Variants in SMC6 observed in about 807,000 individuals in gnomAD.
The protein encoded by SMC6 is structural maintenance of chromosomes protein 6.
SMC6 carries 79 observed loss-of-function variants against 142.2 expected under a neutral mutation model. That is an observed-to-expected ratio of 0.56 (90% CI 0.46 to 0.67). The LOEUF is 0.67. Among genes scored for constraint, SMC6 ranks in the 30% least tolerant of loss-of-function variants. The pLI, the probability that SMC6 is intolerant of heterozygous loss-of-function variation, is 0.00. For synonymous variants in SMC6, 411 were observed against 412.4 expected (o/e 1.00, Z 0.04); for missense variants, 1,072 against 1,284.0 (o/e 0.83, Z 2.52).
chr2:17,693,298 A>G (rs1277119794), intron 23 of SMC6, among the ~76,000 whole-genome samples: 1 of 152,200 alleles, frequency 6.6e-6, no homozygotes, highest in African/African-American at 2.4e-5. Context: ...CCTGGAACCA[A>G]CCCAAATGTC....
intron 2 of SMC6, among the ~76,000 whole-genome samples, chr2:17,746,895 A>G (rs1169897159): frequency 2.6e-5 from 4 of 152,210 alleles, no homozygotes; most frequent in African/African-American, 9.6e-5. Context: ...AATATGAGGA[A>G]CAGTTCTAGG....
At chr2:17,707,118 C>T in intron 18 of SMC6, 101 bp downstream of exon 18, 3 of 908,612 alleles carry the variant, frequency 3.3e-6, no homozygotes, top group Non-Finnish European at 4.7e-6. Context: ...ATAGATTACT[C>T]ACGTCCTCAC....
chr2:17,745,257 CTG>C (rs143518027), intron 3 of SMC6, among the ~76,000 whole-genome samples: 3,483 of 152,092 alleles, frequency 0.023, 142 homozygotes, highest in African/African-American at 0.081. Context: ...TTGGAAAAGA[CTG>C]TGTAGATTCA....
At chr2:17,745,039 T>G (rs1558382694) in intron 3 of SMC6, among the ~76,000 whole-genome samples, 1 of 152,190 alleles carries the variant, frequency 6.6e-6, no homozygotes, top group Non-Finnish European at 1.5e-5. Context: ...TCAGTGGATT[T>G]TGGTCTGAAG....
chr2:17,711,714 G>A (rs1668834325), intron 16 of SMC6, among the ~76,000 whole-genome samples: 1 of 152,064 alleles, frequency 6.6e-6, no homozygotes. Context: ...GACTTCCAGG[G>A]CTCCAGTGAT....
intron 16 of SMC6, among the ~76,000 whole-genome samples, chr2:17,710,089 G>T (rs1233659832): frequency 6.6e-6 from 1 of 152,188 alleles, no homozygotes; most frequent in East Asian, 1.9e-4. Flanking sequence ...ACTTTACGTT[G>T]GCTGCTGTAC....
In SMC6 at chr2:17,727,593, AC is replaced by A. The variant is rs1669694094; in HGVS notation, c.544-1125del. On this transcript the variant is annotated intron_variant, in intron 7 of 27. Coordinates refer to ENST00000448223, the MANE Select transcript of SMC6 (RefSeq NM_001142286.2). ...TCCTCTAGAGAACCCTGACTAATACACCTAACAAGTTAAGATATCAAAGTAC... is the reference window on the plus strand; with the variant it reads ...TCCTCTAGAGAACCCTGACTAATACACTAACAAGTTAAGATATCAAAGTAC... Among the ~76,000 whole-genome samples, 4 of 152,202 alleles carry A rather than the reference AC, an allele frequency of 2.6e-5. No individual in the cohort carries two copies. In the South Asian group the frequency reaches 8.3e-4, roughly 32 times the overall value.
chr2:17,716,253 A>C lies in SMC6; in HGVS notation c.1358T>G (p.Leu453Ter). The change falls in exon 15 of 28, where the codon TTA (leucine) becomes TGA (stop). Residue 453 changes from leucine (L) to a stop codon, truncating the protein, a stop_gained. Coordinates refer to ENST00000448223, the MANE Select transcript of SMC6 (RefSeq NM_001142286.2). LOFTEE classifies it high-confidence loss of function. ...EEHGKIKREE[L>*]DVKHALSYNQ... is the part of the protein sequence containing the mutation. Reference sequence around the variant, plus strand: ...GTAGCTCAGTGCATGCTTCACATCTAATTCTTCTCTCCTAAAAAACAAAAG... The same window carrying C: ...GTAGCTCAGTGCATGCTTCACATCTCATTCTTCTCTCCTAAAAAACAAAAG... 1 of 1,604,862 alleles carries C rather than the reference A, an allele frequency of 6.2e-7. No individual in the cohort carries two copies. Among genetic ancestry groups the C allele is most frequent in the Non-Finnish European group, 8.5e-7 (1 of 1,177,418 alleles).
chr2:17,670,913 G>A (rs1466351826), intron 25 of SMC6, among the ~76,000 whole-genome samples: 1 of 152,096 alleles, frequency 6.6e-6, no homozygotes, highest in Non-Finnish European at 1.5e-5. Context: ...CCAGGCTGGA[G>A]TGCAATGGTG....
intron 4 of SMC6, among the ~76,000 whole-genome samples, chr2:17,741,234 G>A (rs758878088): frequency 6.6e-6 from 1 of 152,206 alleles, no homozygotes; most frequent in Non-Finnish European, 1.5e-5. Context: ...GCCACCTGGT[G>A]AGAACTACTT....
At chr2:17,675,046 C>T (rs1418874837) in intron 25 of SMC6, among the ~76,000 whole-genome samples, 1 of 152,032 alleles carries the variant, frequency 6.6e-6, no homozygotes, top group African/African-American at 2.4e-5. Flanking sequence ...CATGCATCTC[C>T]TTTCAATTTG....
intron 16 of SMC6, among the ~76,000 whole-genome samples, chr2:17,710,418 T>C (rs1296451253): frequency 6.6e-6 from 1 of 152,120 alleles, no homozygotes; most frequent in Non-Finnish European, 1.5e-5. Context: ...TATTATATTA[T>C]AGAGTTCAGA....
chr2:17,678,721 A>C, intron 25 of SMC6, 138 bp downstream of exon 25: 1 of 605,616 alleles, frequency 1.7e-6, no homozygotes, highest in Non-Finnish European at 2.9e-6. Flanking sequence ...GGTTACAGTG[A>C]GCTATGATTG....
At chr2:17,679,209 G>C in intron 24 of SMC6, 3 of 373,672 alleles carry the variant, frequency 8.0e-6, no homozygotes, top group Non-Finnish European at 1.4e-5. Context: ...ATGAATTAAA[G>C]AGTCATCTCA....
At chr2:17,682,063 G>A (rs1667261809) in intron 24 of SMC6, 1 of 152,136 alleles carries the variant, frequency 6.6e-6, no homozygotes, top group South Asian at 2.1e-4. Context: ...ACAGATTTAT[G>A]TAGTAATAGA....
chr2:17,695,525 G>A (rs1247346811), intron 22 of SMC6, among the ~76,000 whole-genome samples: 2 of 151,848 alleles, frequency 1.3e-5, no homozygotes, highest in Non-Finnish European at 2.9e-5. Context: ...AACTAATAAG[G>A]TGCAAGATCT....
chr2:17,698,416 C>T (rs1460383211), intron 21 of SMC6, among the ~76,000 whole-genome samples: 1 of 151,994 alleles, frequency 6.6e-6, no homozygotes, highest in African/African-American at 2.4e-5. Flanking sequence ...ATATTTGTTG[C>T]ACACATATTT....
Position 17,745,851 on chromosome 2 carries a change from T to C in SMC6, c.96A>G (p.Glu32=). The C allele has an allele frequency of 6.2e-7, 1 of 1,611,888 alleles. No homozygotes were observed. The highest frequency in any genetic ancestry group is 8.5e-7 in the Non-Finnish European group (1 of 1,179,280). Residue 32 remains glutamate, a synonymous_variant, in exon 3 of 28, where the codon GAA becomes GAG. Transcript: ENST00000448223. ...ELEDFDKDGD[E]DECKGTTLTA... The stretch of plus-strand genomic sequence containing the variant: ...CCAAAGTAGTACCTTTACATTCGTC[T>C]TCGTCACCATCTTTATCAAAATCCT...
Position 17,714,958 on chromosome 2 carries a change from G to A in SMC6, c.1633C>T (p.Leu545Phe), listed in dbSNP as rs771193533. Residue 545 changes from leucine (L) to phenylalanine (F), a missense_variant, in exon 16 of 28, where the codon CTT (leucine) becomes TTT (phenylalanine). Physicochemically the swap from Leu to Phe is conservative, Grantham distance 22 (BLOSUM62 0). Transcript: ENST00000448223. Reference sequence around the variant, plus strand: ...TAAAACCTTTTCATGAGTGCCTGAAGGACCCTTTCATCAGCATGATTATGG... The same window carrying A: ...TAAAACCTTTTCATGAGTGCCTGAAAGACCCTTTCATCAGCATGATTATGG... ...CCHNHADERV[L>F]QALMKRFYLP... is the part of the protein sequence containing the mutation. 1.2e-6 allele frequency: 2 copies of A among 1,614,006 alleles called. No individual in the cohort carries two copies. The highest frequency in any genetic ancestry group is 1.7e-6 in the Non-Finnish European group (2 of 1,179,942).
Sources: gnomAD v4.1 joint callset for allele counts (sites outside exome capture counted in the v4.1 genomes callset) on GRCh38, gnomAD v4.1.1 for gene constraint, MANE v1.5 for transcripts, NCBI Gene and HGNC (gene_info 2026-07-23, HGNC 2026-07-21) for gene names.